EVI5: variants seen among roughly 807,000 people sequenced by gnomAD.
The protein encoded by EVI5 is ecotropic viral integration site 5.
In EVI5, 73 loss-of-function variants were observed where a neutral mutation model predicts 112.0. The observed-to-expected ratio is 0.65, with a 90% CI of 0.54 to 0.79. The LOEUF is 0.79. Among genes scored for constraint, EVI5 ranks in the 30% least tolerant of loss-of-function variants. The pLI is 0.00. For missense variants in EVI5, 900 were observed against 968.8 expected (o/e 0.93, Z 0.94); for synonymous variants, 305 against 319.9 (o/e 0.95, Z 0.50).
At position 92,512,697 on chromosome 1, in the gene EVI5, A is replaced by C. The variant is rs1186942730; in HGVS notation, c.*959T>G. 1 of 152,232 alleles carries C rather than the reference A, an allele frequency of 6.6e-6. No individual in the cohort carries two copies. The highest frequency in any genetic ancestry group is 1.5e-5 in the Non-Finnish European group (1 of 68,038). 9.4% of individuals were successfully genotyped at this position (152,232 alleles called of 1,614,324 possible). A position where few individuals can be genotyped will look rare whatever the true frequency, so the allele number is the denominator to read the frequency against. ...CATCATATGCACATAAAAGTTAAAC[A>C]TTAAAACAAAACTTAAAACTCTCAA... On this transcript the variant is annotated 3_prime_UTR_variant, in exon 20 of 20. Transcript: ENST00000684568.
At chr1:92,538,500 T>G (rs1261894640) in intron 19 of EVI5, among the ~76,000 whole-genome samples, 5 of 152,244 alleles carry the variant, frequency 3.3e-5, no homozygotes, top group Admixed American at 2.6e-4. Flanking sequence ...TCTCTAAAGC[T>G]ATATCATGTG....
At chr1:92,565,607 C>T (rs1281454005) in intron 18 of EVI5, among the ~76,000 whole-genome samples, 1 of 152,142 alleles carries the variant, frequency 6.6e-6, no homozygotes, top group African/African-American at 2.4e-5. Context: ...GACTGGTCAA[C>T]TCTACCCTCC....
intron 19 of EVI5, among the ~76,000 whole-genome samples, chr1:92,538,508 G>A (rs1664254253): frequency 6.6e-6 from 1 of 152,184 alleles, no homozygotes; most frequent in Non-Finnish European, 1.5e-5. Flanking sequence ...GCTATATCAT[G>A]TGTTTTTTCA....
chr1:92,535,380 C>A (rs1240294461), intron 19 of EVI5, among the ~76,000 whole-genome samples: 1 of 152,130 alleles, frequency 6.6e-6, no homozygotes, highest in Non-Finnish European at 1.5e-5. Context: ...ACTAGAAATA[C>A]CATTTGACCC....
At chr1:92,717,381 G>GCC (rs1673909917) in intron 2 of EVI5, among the ~76,000 whole-genome samples, 1 of 152,178 alleles carries the variant, frequency 6.6e-6, no homozygotes, top group African/African-American at 2.4e-5. Flanking sequence ...GAGAGTAGGG[G>GCC]CCAATCTTCA....
chr1:92,648,070 G>A (rs1454283942), intron 13 of EVI5, among the ~76,000 whole-genome samples: 2 of 143,360 alleles, frequency 1.4e-5, no homozygotes, highest in Non-Finnish European at 3.1e-5. Context: ...AAAGTGGCCA[G>A]GCACGGTGGC....
At chr1:92,598,316 G>A (rs963621385) in intron 18 of EVI5, among the ~76,000 whole-genome samples, 3 of 152,092 alleles carry the variant, frequency 2.0e-5, no homozygotes, top group Non-Finnish European at 2.9e-5. Flanking sequence ...ATACCTGGGT[G>A]ATGTAATAAT....
chr1:92,683,313 G>T (rs1314406629), intron 9 of EVI5, among the ~76,000 whole-genome samples: 1 of 152,152 alleles, frequency 6.6e-6, no homozygotes, highest in East Asian at 1.9e-4. Flanking sequence ...AAGATCTGCA[G>T]CTGAGGGTTC....
At chr1:92,648,627 C>T (rs1035037607) in intron 13 of EVI5, among the ~76,000 whole-genome samples, 2 of 152,122 alleles carry the variant, frequency 1.3e-5, no homozygotes, top group Non-Finnish European at 2.9e-5. Context: ...TGGAGTCATA[C>T]AATATGTGAT....
chr1:92,646,901 G>C (rs1215257782), intron 13 of EVI5: 1 of 212,918 alleles, frequency 4.7e-6, no homozygotes, highest in Non-Finnish European at 1.0e-5. Context: ...AGCACTCTGA[G>C]AGACTGCAAT....
chr1:92,640,043 G>GA (rs1436503819), intron 13 of EVI5, among the ~76,000 whole-genome samples: 1 of 152,162 alleles, frequency 6.6e-6, no homozygotes, highest in African/African-American at 2.4e-5. Flanking sequence ...ATGGTGCTTG[G>GA]AAAACTGGCT....
At chr1:92,615,653 TGAG>T (rs1652951222) in intron 16 of EVI5, among the ~76,000 whole-genome samples, 3 of 152,120 alleles carry the variant, frequency 2.0e-5, no homozygotes, top group South Asian at 4.1e-4. Context: ...TGCCTTTGTC[TGAG>T]GAGATGAACC....
At chr1:92,569,821 T>C (rs916969768) in intron 18 of EVI5, among the ~76,000 whole-genome samples, 7 of 119,352 alleles carry the variant, frequency 5.9e-5, no homozygotes, top group African/African-American at 1.4e-4. Flanking sequence ...GCCACTGCAC[T>C]CCAGCCTGGC....
intron 1 of EVI5, among the ~76,000 whole-genome samples, chr1:92,765,097 A>G (rs1227836823): frequency 2.0e-5 from 3 of 152,122 alleles, no homozygotes; most frequent in Non-Finnish European, 4.4e-5. Flanking sequence ...CATATAGGTA[A>G]TTTTGGTAAT....
At chr1:92,772,354 T>C (rs984770725) in intron 1 of EVI5, among the ~76,000 whole-genome samples, 4 of 151,488 alleles carry the variant, frequency 2.6e-5, no homozygotes, top group African/African-American at 9.7e-5. Context: ...CCCAGCACTT[T>C]GGGAGGCCAA....
At chr1:92,718,742 C>T (rs528179076) in intron 2 of EVI5, among the ~76,000 whole-genome samples, 30 of 152,008 alleles carry the variant, frequency 2.0e-4, no homozygotes, top group Admixed American at 1.2e-3. Flanking sequence ...CAAAAAAAAT[C>T]GGTGAATCCA....
chr1:92,768,880 A>C (rs565754571), intron 1 of EVI5, among the ~76,000 whole-genome samples: 3 of 152,284 alleles, frequency 2.0e-5, no homozygotes, highest in African/African-American at 7.2e-5. Flanking sequence ...GTCTCAAAAA[A>C]ACAAAACAAA....
At chr1:92,711,877 C>T (rs945927474) in intron 2 of EVI5, among the ~76,000 whole-genome samples, 1 of 152,130 alleles carries the variant, frequency 6.6e-6, no homozygotes, top group African/African-American at 2.4e-5. Context: ...AAATTTATTG[C>T]TCACAGTTTG....
At chr1:92,557,727 T>A (rs1268616848) in intron 19 of EVI5, among the ~76,000 whole-genome samples, 1 of 144,536 alleles carries the variant, frequency 6.9e-6, no homozygotes, top group African/African-American at 2.5e-5. Context: ...CGAAGAAAAC[T>A]TTTTTTTTTT....
Sources: allele counts gnomAD v4.1 joint callset (sites outside exome capture counted in the v4.1 genomes callset), GRCh38; gene constraint gnomAD v4.1.1; transcripts MANE v1.5; gene names NCBI Gene and HGNC (gene_info 2026-07-23, HGNC 2026-07-21).